The following CNTNAP2 variants were observed in gnomAD, a reference collection of about 807,000 sequenced individuals.
CNTNAP2 encodes contactin-associated protein-like 2.
Under a neutral mutation model 155.2 loss-of-function variants are expected in CNTNAP2, and 98 were observed. The ratio of observed to expected loss-of-function variants is 0.63; its 90% CI spans 0.54 to 0.75. CNTNAP2 has a LOEUF of 0.75. Ranked by LOEUF, CNTNAP2 falls within the 30% of genes least tolerant of loss-of-function variation. CNTNAP2 has a pLI of 0.00. For synonymous variants in CNTNAP2, 651 were observed against 631.2 expected (o/e 1.03, Z -0.47); for missense variants, 1,727 against 1,688.1 (o/e 1.02, Z -0.40).
intron 12 of CNTNAP2, among the ~76,000 whole-genome samples, chr7:147,588,771 T>C (rs944243928): frequency 2.0e-5 from 3 of 152,150 alleles, no homozygotes; most frequent in Non-Finnish European, 2.9e-5. Context: ...GCATCAATAA[T>C]TCACACAACC....
intron 12 of CNTNAP2, among the ~76,000 whole-genome samples, chr7:147,631,328 C>T (rs905664337): frequency 6.6e-6 from 1 of 152,078 alleles, no homozygotes; most frequent in Non-Finnish European, 1.5e-5. Context: ...TGAAAGAAAT[C>T]ATTAATGACA....
At chr7:147,975,196 G>C (rs1450608287) in intron 14 of CNTNAP2, among the ~76,000 whole-genome samples, 1 of 151,968 alleles carries the variant, frequency 6.6e-6, no homozygotes, top group East Asian at 1.9e-4. Flanking sequence ...GGTAGAAGGA[G>C]CTAGGCACAA....
intron 3 of CNTNAP2, among the ~76,000 whole-genome samples, chr7:146,918,616 T>C (rs958181422): frequency 2.0e-5 from 3 of 152,218 alleles, no homozygotes; most frequent in Non-Finnish European, 4.4e-5. Context: ...ATAAGATTAT[T>C]TCCTTTATCT....
At chr7:147,296,164 G>T (rs34047810) in intron 8 of CNTNAP2, among the ~76,000 whole-genome samples, 37,485 of 151,992 alleles carry the variant, frequency 0.25, 4,888 homozygotes, top group African/African-American at 0.27. Context: ...TTTGGGGACT[G>T]AACAAATATC....
In CNTNAP2 at chr7:147,507,826, C is replaced by T. The variant is rs537317665; in HGVS notation, c.1777+21785C>T. On this transcript the variant is annotated intron_variant, in intron 11 of 23. Coordinates refer to ENST00000361727, the MANE Select transcript of CNTNAP2 (RefSeq NM_014141.6). ...TCGTCCTCCCAAAGTGCTGAGATTA[C>T]AGGCGTGAGCCACCGCGCCTGGCCA... Among the ~76,000 whole-genome samples, 29 of 152,192 alleles carry T rather than the reference C, an allele frequency of 1.9e-4. 1 individual carries two copies. The highest frequency in any genetic ancestry group is 6.5e-4 in the African/African-American group (27 of 41,530).
chr7:147,517,504 T>C (rs1437210681), intron 11 of CNTNAP2, among the ~76,000 whole-genome samples: 3 of 152,136 alleles, frequency 2.0e-5, no homozygotes, highest in Non-Finnish European at 4.4e-5. Flanking sequence ...ACATAAAAGA[T>C]CCATTCACTG....
intron 3 of CNTNAP2, among the ~76,000 whole-genome samples, chr7:146,991,645 T>C (rs1037798151): frequency 6.6e-6 from 1 of 152,206 alleles, no homozygotes; most frequent in African/African-American, 2.4e-5. Flanking sequence ...GCCTCTCTGA[T>C]GACTTAGCTA....
At chr7:148,163,573 A>C (rs1265729642) in intron 17 of CNTNAP2, among the ~76,000 whole-genome samples, 1 of 152,192 alleles carries the variant, frequency 6.6e-6, no homozygotes, top group Non-Finnish European at 1.5e-5. Flanking sequence ...CATGTTCTGC[A>C]TGTCCTTTAC....
intron 1 of CNTNAP2, chr7:146,117,337 C>T: frequency 4.7e-6 from 1 of 211,116 alleles, no homozygotes; most frequent in Admixed American, 5.4e-5. Context: ...AAGACCATGG[C>T]AAAACCAAGT....
chr7:146,943,058 AC>A (rs1216420151), intron 3 of CNTNAP2, among the ~76,000 whole-genome samples: 19 of 152,022 alleles, frequency 1.2e-4, no homozygotes, highest in African/African-American at 4.3e-4. Flanking sequence ...AAGGGCACAG[AC>A]CCCCCTGTCA....
chr7:148,142,876 AACATGCCAAGAGCTCTCCAT>A (rs1162938401), intron 16 of CNTNAP2, among the ~76,000 whole-genome samples: 2 of 152,232 alleles, frequency 1.3e-5, no homozygotes, highest in African/African-American at 4.8e-5. Context: ...GGGAAGCGTG[AACATGCCAAGAGCTCTCCAT>A]GGTTTTGTCC....
chr7:147,097,289 G>A (rs541032435), intron 4 of CNTNAP2: 1 of 152,336 alleles, frequency 6.6e-6, no homozygotes, highest in African/African-American at 2.4e-5. Context: ...CAAGTTTAAA[G>A]TAATGGTGTT....
At chr7:146,825,332 G>C (rs1016455865) in intron 2 of CNTNAP2, among the ~76,000 whole-genome samples, 1 of 152,084 alleles carries the variant, frequency 6.6e-6, no homozygotes, top group Non-Finnish European at 1.5e-5. Context: ...CAGAGGGATT[G>C]TAAGAATGAA....
intron 1 of CNTNAP2, among the ~76,000 whole-genome samples, chr7:146,598,270 C>T (rs1271158569): frequency 6.6e-6 from 1 of 152,084 alleles, no homozygotes; most frequent in Non-Finnish European, 1.5e-5. Context: ...TACCTTTCTA[C>T]TCTATCACTT....
intron 12 of CNTNAP2, among the ~76,000 whole-genome samples, chr7:147,628,459 C>T (rs147999896): frequency 4.6e-5 from 7 of 152,022 alleles, no homozygotes; most frequent in East Asian, 1.9e-4. Flanking sequence ...ACTAAGCCAG[C>T]GCTATAAGAA....
intron 21 of CNTNAP2, among the ~76,000 whole-genome samples, chr7:148,341,508 G>T (rs1798235021): frequency 6.6e-6 from 1 of 151,920 alleles, no homozygotes; most frequent in Non-Finnish European, 1.5e-5. Context: ...TCAATTTTTA[G>T]GCGTTACCTA....
intron 21 of CNTNAP2, among the ~76,000 whole-genome samples, chr7:148,320,975 C>G (rs1486352286): frequency 6.6e-6 from 1 of 152,126 alleles, no homozygotes; most frequent in Non-Finnish European, 1.5e-5. Flanking sequence ...ATTGGCAGTT[C>G]ATGTGATACA....
intron 14 of CNTNAP2, among the ~76,000 whole-genome samples, chr7:147,930,198 A>T (rs1415116520): frequency 1.3e-5 from 2 of 152,208 alleles, no homozygotes; most frequent in African/African-American, 4.8e-5. Flanking sequence ...CAAACAAAAA[A>T]GGTTAACAAA....
chr7:148,410,565 C>CA (rs56258191), intron 23 of CNTNAP2, among the ~76,000 whole-genome samples: 2,776 of 112,800 alleles, frequency 0.025, 113 homozygotes, highest in African/African-American at 0.083. Flanking sequence ...AGACCTTTCT[C>CA]AAAAAAAAAA....
Sources: allele counts gnomAD v4.1 joint callset (sites outside exome capture counted in the v4.1 genomes callset), GRCh38; gene constraint gnomAD v4.1.1; transcripts MANE v1.5; gene names NCBI Gene and HGNC (gene_info 2026-07-23, HGNC 2026-07-21).